PTPRN2: variants seen among roughly 807,000 people sequenced by gnomAD.
PTPRN2 encodes protein tyrosine phosphatase receptor type N2.
A neutral mutation model predicts 118.8 loss-of-function variants in PTPRN2; 74 were observed. The ratio of observed to expected loss-of-function variants is 0.62; its 90% CI spans 0.52 to 0.76. The LOEUF (loss-of-function observed/expected upper bound fraction) is 0.76. Ranked by LOEUF, PTPRN2 falls within the 30% of genes least tolerant of loss-of-function variation. The probability of loss-of-function intolerance (pLI) is 0.00; values close to 1 mark genes in which losing one functional copy is unlikely to be tolerated. For synonymous variants in PTPRN2, 641 were observed against 608.0 expected (o/e 1.05, Z -0.80); for missense variants, 1,481 against 1,394.4 (o/e 1.06, Z -0.99).
At chr7:158,249,622 G>T (rs1796532047) in intron 3 of PTPRN2, among the ~76,000 whole-genome samples, 1 of 152,158 alleles carries the variant, frequency 6.6e-6, no homozygotes, top group Admixed American at 6.5e-5. Context: ...AGTTGGATTG[G>T]CTGATGAGTC....
intron 22 of PTPRN2, among the ~76,000 whole-genome samples, chr7:157,547,817 C>G (rs1798399317): frequency 6.6e-6 from 1 of 152,226 alleles, no homozygotes. Context: ...AAGAGACGTT[C>G]CACAAAGAGC....
chr7:158,100,103 T>C lies in PTPRN2; in HGVS notation c.1643+10726A>G, dbSNP rs547165081. ...AGCCTTCACATCCTCATAGCTCAGCTCCCACTTATGAGTGAGAACATATGA... is the reference window on the plus strand; with the variant it reads ...AGCCTTCACATCCTCATAGCTCAGCCCCCACTTATGAGTGAGAACATATGA... On this transcript the variant is annotated intron_variant, in intron 10 of 22. Transcript: ENST00000389418. 5.3e-5 allele frequency among the ~76,000 whole-genome samples: 8 copies of C among 152,044 alleles called. No individual in the cohort carries two copies. The East Asian group carries it at 1.2e-3, about 22-fold the overall frequency.
rs902274841 is a variant in PTPRN2, at chr7:157,619,365, G to T, written c.2344+1997C>A. Among the ~76,000 whole-genome samples the T allele has an allele frequency of 6.6e-6, 1 of 152,022 alleles. No homozygotes were observed. Among genetic ancestry groups the T allele is most frequent in the African/African-American group, 2.4e-5 (1 of 41,406 alleles). ...CGAACCATTCTCCACTCAGGACTCAGCAGGATACCCGCTCACCACCACCCT... is the reference window on the plus strand; with the variant it reads ...CGAACCATTCTCCACTCAGGACTCATCAGGATACCCGCTCACCACCACCCT... On this transcript the variant is annotated intron_variant, in intron 15 of 22. Coordinates refer to ENST00000389418, the MANE Select transcript of PTPRN2 (RefSeq NM_002847.5). The surrounding 1 kb of genome is among the most constrained non-coding windows in gnomAD (Gnocchi z 5.3).
intron 6 of PTPRN2, among the ~76,000 whole-genome samples, chr7:158,155,550 A>ACACTATCAT (rs1563529015): frequency 1.7e-4 from 9 of 52,514 alleles, no homozygotes; most frequent in Admixed American, 4.6e-4. Flanking sequence ...ATCACCATCA[A>ACACTATCAT]CACCATCATC....
chr7:157,621,412 G>A lies in PTPRN2; in HGVS notation c.2294C>T (p.Ala765Val). 1.2e-6 allele frequency: 2 copies of A among 1,613,420 alleles called. No individual in the cohort carries two copies. The highest frequency in any genetic ancestry group is 1.1e-5 in the South Asian group (1 of 91,084). Reference sequence around the variant, plus strand: ...CTTGGGCACGTTCTCCTCCCTCTGGGCCACGAACGAGCTGTTGGGCTCCGC... The same window carrying A: ...CTTGGGCACGTTCTCCTCCCTCTGGACCACGAACGAGCTGTTGGGCTCCGC... Reference protein sequence around the residue: ...YQAEPNSSFVAQREENVPKNR... With the variant: ...YQAEPNSSFVVQREENVPKNR... Residue 765 changes from alanine to valine, a missense_variant, in exon 15 of 23, where the codon GCC (alanine) becomes GTC (valine). This residue lies in a region of PTPRN2 where 362 missense variants were observed against 384.1 expected (regional missense o/e 0.94). Coordinates refer to ENST00000389418, the MANE Select transcript of PTPRN2 (RefSeq NM_002847.5).
intron 11 of PTPRN2, among the ~76,000 whole-genome samples, chr7:157,906,833 C>A (rs1369679457): frequency 6.6e-6 from 1 of 152,118 alleles, no homozygotes; most frequent in East Asian, 1.9e-4. Context: ...GTGTCCTGAG[C>A]CCCTCTAGAC....
At chr7:157,886,254 G>A (rs60039385) in intron 12 of PTPRN2, among the ~76,000 whole-genome samples, 22 of 152,228 alleles carry the variant, frequency 1.4e-4, no homozygotes, top group African/African-American at 5.1e-4. Context: ...TTTCTTCAGC[G>A]GGAGACATCA....
intron 11 of PTPRN2, among the ~76,000 whole-genome samples, chr7:158,071,447 G>GCTCGTGGTGGAGGTA (rs1811614434): frequency 1.7e-5 from 1 of 60,536 alleles, no homozygotes; most frequent in Non-Finnish European, 3.4e-5. Context: ...TGGTGGAGGT[G>GCTCGTGGTGGAGGTA]CTCGTGGTTG....
At chr7:158,411,990 C>T (rs1814137812) in intron 2 of PTPRN2, among the ~76,000 whole-genome samples, 8 of 150,810 alleles carry the variant, frequency 5.3e-5, no homozygotes, top group Admixed American at 4.6e-4. Context: ...TCACAGCACC[C>T]TCCTCAGCTG....
intron 21 of PTPRN2, among the ~76,000 whole-genome samples, chr7:157,556,922 G>T (rs887416311): frequency 6.7e-6 from 1 of 148,812 alleles, no homozygotes; most frequent in Admixed American, 6.7e-5. Context: ...ACACAGGAAT[G>T]CACATGCCCA....
At chr7:158,387,587 G>A (rs192929461) in intron 2 of PTPRN2, among the ~76,000 whole-genome samples, 577 of 4,268 alleles carry the variant, frequency 0.14, 1 homozygote, top group Non-Finnish European at 0.19. Flanking sequence ...AGCTTGGCCC[G>A]GCCAGGCCCG....
intron 21 of PTPRN2, among the ~76,000 whole-genome samples, chr7:157,566,657 A>G (rs917028796): frequency 6.6e-6 from 1 of 152,272 alleles, no homozygotes; most frequent in Non-Finnish European, 1.5e-5. Context: ...CGTATTGTCC[A>G]AAGCTGAGCC....
At chr7:158,151,706 C>T (rs1208297998) in intron 6 of PTPRN2, among the ~76,000 whole-genome samples, 2 of 152,066 alleles carry the variant, frequency 1.3e-5, no homozygotes, top group Admixed American at 1.3e-4. Flanking sequence ...TCTCCCCAAT[C>T]TTCCTCCCTC....
chr7:157,950,868 T>C (rs1800770153), intron 11 of PTPRN2, among the ~76,000 whole-genome samples: 1 of 152,176 alleles, frequency 6.6e-6, no homozygotes, highest in South Asian at 2.1e-4. Flanking sequence ...TGCAGATGTG[T>C]TGGGCAGATG....
intron 11 of PTPRN2, among the ~76,000 whole-genome samples, chr7:157,900,260 C>T (rs375768416): frequency 7.2e-5 from 11 of 152,214 alleles, no homozygotes; most frequent in South Asian, 6.2e-4. Context: ...TGCCTTGCAG[C>T]GTGGAGGTAG....
At chr7:158,414,479 T>C (rs1162857315) in intron 2 of PTPRN2, among the ~76,000 whole-genome samples, 1 of 151,240 alleles carries the variant, frequency 6.6e-6, no homozygotes, top group Non-Finnish European at 1.5e-5. Context: ...TTCACTACAG[T>C]AATTGCATCT....
At chr7:158,273,929 G>A (rs575119458) in intron 3 of PTPRN2, among the ~76,000 whole-genome samples, 42 of 138,420 alleles carry the variant, frequency 3.0e-4, no homozygotes, top group African/African-American at 1.2e-3. Flanking sequence ...CGCAGACACA[G>A]GGGGAGCCGC....
At chr7:158,089,573 AT>A (rs1563419352) in intron 10 of PTPRN2, among the ~76,000 whole-genome samples, 336 of 122,036 alleles carry the variant, frequency 2.8e-3, no homozygotes, top group Admixed American at 5.5e-3. Context: ...TCTTCCCCTG[AT>A]GAAAGAGGGA....
intron 12 of PTPRN2, among the ~76,000 whole-genome samples, chr7:157,873,387 G>C (rs1297195191): frequency 8.5e-5 from 13 of 152,240 alleles, no homozygotes; most frequent in African/African-American, 3.1e-4. Context: ...CCGGAGGGCC[G>C]CGCCCCGAGG....
Sources: gnomAD v4.1 joint callset for allele counts (sites outside exome capture counted in the v4.1 genomes callset) on GRCh38, gnomAD v4.1.1 for gene constraint, gnomAD v4.1.1 regional missense constraint, Gnocchi (gnomAD v3.1) non-coding constraint, MANE v1.5 for transcripts, NCBI Gene and HGNC (gene_info 2026-07-23, HGNC 2026-07-21) for gene names.